The following HNRNPUL1 variants were observed in gnomAD, a reference collection of about 807,000 sequenced individuals.
The protein encoded by HNRNPUL1 is heterogeneous nuclear ribonucleoprotein U like 1.
In HNRNPUL1, 14 loss-of-function variants were observed where a neutral mutation model predicts 108.5. The ratio of observed to expected loss-of-function variants is 0.13; its 90% CI spans 0.09 to 0.20. HNRNPUL1 has a LOEUF of 0.20. Among genes scored for constraint, HNRNPUL1 ranks in the 10% least tolerant of loss-of-function variants. The pLI, the probability that HNRNPUL1 is intolerant of heterozygous loss-of-function variation, is 1.00. For missense variants in HNRNPUL1, 804 were observed against 1,168.3 expected (o/e 0.69, Z 4.55); for synonymous variants, 422 against 445.2 (o/e 0.95, Z 0.66).
Position 41,268,383 on chromosome 19 carries a change from ACAAT to A in HNRNPUL1, c.418+40_418+43del. The A allele has an allele frequency of 1.9e-6, 3 of 1,605,510 alleles. No homozygotes were observed. In the South Asian group the frequency reaches 3.3e-5, roughly 18 times the overall value. On this transcript the variant is annotated intron_variant, in intron 2 of 14. Transcript: ENST00000392006. ...ACATGGTTCATCTCTTTGGATGGAA[ACAAT>A]CTACATGGAGCCTTTACCCCCTGCT... is the stretch of plus-strand genomic sequence containing the variant.
intron 1 of HNRNPUL1, 54 bp from the exon 2 acceptor site, chr19:41,268,169 C>T: frequency 6.3e-7 from 1 of 1,595,120 alleles, no homozygotes; most frequent in Non-Finnish European, 8.5e-7. Flanking sequence ...TGCTTTGGTC[C>T]AGGGTTCTTC....
chr19:41,267,010 T>A (rs1209001043), intron 1 of HNRNPUL1, among the ~76,000 whole-genome samples: 1 of 152,224 alleles, frequency 6.6e-6, no homozygotes, highest in Non-Finnish European at 1.5e-5. Context: ...GAGTCATCTC[T>A]GAGAGGAAAG....
chr19:41,301,453 C>A, intron 10 of HNRNPUL1, 83 bp from the exon 11 acceptor site: 1 of 1,154,078 alleles, frequency 8.7e-7, no homozygotes, highest in South Asian at 1.5e-5. Flanking sequence ...TTTTCTCAGT[C>A]CCTGGCCTAC....
At position 41,294,266 on chromosome 19, in the gene HNRNPUL1, C is replaced by T; in HGVS notation, c.1267-72C>T. On this transcript the variant is annotated intron_variant, in intron 8 of 14. Transcript: ENST00000392006. This position sits in a 1 kb window ranked among gnomAD's most constrained non-coding sequence, Gnocchi z 4.3. ...CACAGCTCAGAGGTCCAGAGTCACA[C>T]TCACAGTCACCACCGAGCCAAGTGG... 2 of 1,573,862 alleles carry T rather than the reference C, an allele frequency of 1.3e-6. No individual in the cohort carries two copies. Among genetic ancestry groups the T allele is most frequent in the Non-Finnish European group, 1.7e-6 (2 of 1,151,472 alleles).
intron 10 of HNRNPUL1, among the ~76,000 whole-genome samples, chr19:41,295,341 T>C (rs914613814): frequency 6.6e-6 from 1 of 152,198 alleles, no homozygotes; most frequent in African/African-American, 2.4e-5. Flanking sequence ...AACATAAATA[T>C]TGTATGCAGC....
intron 2 of HNRNPUL1, among the ~76,000 whole-genome samples, chr19:41,270,980 G>T (rs1232293466): frequency 6.6e-6 from 1 of 152,166 alleles, no homozygotes; most frequent in East Asian, 1.9e-4. Context: ...TCCCAGGCTA[G>T]TCCTCTTGGT....
rs1041920767 is a variant in HNRNPUL1 at position 41,301,572 on chromosome 19, A to C, written c.1555A>C (p.Arg519=). Residue 519 remains arginine (R), a synonymous_variant, in exon 11 of 15, where the codon AGA becomes CGA. Coordinates refer to ENST00000392006, the MANE Select transcript of HNRNPUL1 (RefSeq NM_007040.6). ...TGGGTCAGCCCAGAGACGAAAAATG[A>C]GACCATTTGAAGGCTTCCAGCGCAA... ...VYGSAQRRKM[R]PFEGFQRKAI... The C allele has an allele frequency of 1.7e-5, 27 of 1,614,160 alleles. No homozygotes were observed. The highest frequency in any genetic ancestry group is 2.3e-5 in the Non-Finnish European group (27 of 1,180,008).
intron 4 of HNRNPUL1, 55 bp from the exon 5 acceptor site, chr19:41,276,104 A>G (rs2035539710): frequency 6.2e-7 from 1 of 1,611,120 alleles, no homozygotes; most frequent in Non-Finnish European, 8.5e-7. Context: ...ACTCCGTCTC[A>G]AGAAAACAAA....
chr19:41,290,177 T>C (rs1003449243), intron 7 of HNRNPUL1, among the ~76,000 whole-genome samples: 2 of 152,168 alleles, frequency 1.3e-5, no homozygotes, highest in African/African-American at 4.8e-5. Context: ...GTCACCTGAA[T>C]AGAGAAAGAA....
chr19:41,274,091 C>G (rs1017367046), intron 4 of HNRNPUL1, 36 bp downstream of exon 4: 1 of 1,550,138 alleles, frequency 6.5e-7, no homozygotes, highest in East Asian at 2.2e-5. Flanking sequence ...TTCTGCCTTA[C>G]AGTCAGTATG....
In HNRNPUL1 at chr19:41,303,884, G is replaced by A. The variant is rs1297275299; in HGVS notation, c.1973-88G>A. The A allele has an allele frequency of 4.7e-6, 7 of 1,497,084 alleles. No individual in the cohort carries two copies. The Admixed American group carries it at 8.1e-5, about 17-fold the overall frequency. The allele number at this position is 1,497,084 out of a possible 1,614,324, so 92.7% of individuals were successfully genotyped here. A position where few individuals can be genotyped will look rare whatever the true frequency, so the allele number is the denominator to read the frequency against. On this transcript the variant is annotated intron_variant, in intron 12 of 14. Transcript: ENST00000392006. ...TTCTTGCTCTGCGCCTGGCCATGCC[G>A]GCTCACAGTAGTCACCAAGACAACC...
Position 41,306,612 on chromosome 19 carries a change from C to T in HNRNPUL1, c.*47C>T. Reference sequence around the variant, plus strand: ...CGGAGGCCCCTGCCGGCTTCCTCCACCAGCGCCTGCCTCGGCCCCTCCTCT... The same window carrying T: ...CGGAGGCCCCTGCCGGCTTCCTCCATCAGCGCCTGCCTCGGCCCCTCCTCT... On this transcript the variant is annotated 3_prime_UTR_variant, in exon 15 of 15. Transcript: ENST00000392006. 8.1e-7 allele frequency: 1 copy of T among 1,231,926 alleles called. No individual in the cohort carries two copies. Among genetic ancestry groups the T allele is most frequent in the Non-Finnish European group, 1.1e-6 (1 of 901,474 alleles). 76.3% of individuals were successfully genotyped at this position (1,231,926 alleles called of 1,614,324 possible).
At chr19:41,301,167 CAG>C (rs976069906) in intron 10 of HNRNPUL1, among the ~76,000 whole-genome samples, 4 of 152,170 alleles carry the variant, frequency 2.6e-5, no homozygotes, top group African/African-American at 7.2e-5. Flanking sequence ...TAAGGGAACA[CAG>C]GGGTTTTTCC....
chr19:41,283,464 GT>G (rs1397034934), intron 7 of HNRNPUL1, among the ~76,000 whole-genome samples: 1 of 151,610 alleles, frequency 6.6e-6, no homozygotes, highest in African/African-American at 2.4e-5. Flanking sequence ...TTTTTTGTTT[GT>G]TTTGTTTTGA....
chr19:41,267,800 G>GA (rs2034944657), intron 1 of HNRNPUL1, among the ~76,000 whole-genome samples: 1 of 152,146 alleles, frequency 6.6e-6, no homozygotes, highest in African/African-American at 2.4e-5. Flanking sequence ...GGTTCTTGAG[G>GA]GAATTTCTGG....
At chr19:41,306,354 C>A in intron 14 of HNRNPUL1, 95 bp from the exon 15 acceptor site, 1 of 761,612 alleles carries the variant, frequency 1.3e-6, no homozygotes, top group Non-Finnish European at 2.1e-6. Flanking sequence ...GTTGTCACTG[C>A]AGCTGTCTCT....
rs2036661533 is a variant in HNRNPUL1, at chr19:41,292,724, C to T, written c.1266+213C>T. Among the ~76,000 whole-genome samples the T allele has an allele frequency of 6.7e-6, 1 of 150,160 alleles. No individual in the cohort carries two copies. Among genetic ancestry groups the T allele is most frequent in the Admixed American group, 6.6e-5 (1 of 15,056 alleles). On this transcript the variant is annotated intron_variant, in intron 8 of 14. Transcript: ENST00000392006. This position sits in a 1 kb window ranked among gnomAD's most constrained non-coding sequence, Gnocchi z 4.1. The stretch of plus-strand genomic sequence containing the variant: ...CCTAAGTTGAAGTCGGAGAGGCTAC[C>T]TAAATCTCAGAAAGATTGCATCTTC...
In HNRNPUL1 at chr19:41,276,305, A is replaced by T. The variant is rs1287954096; in HGVS notation, c.786+7A>T. The T allele has an allele frequency of 3.8e-6, 6 of 1,597,774 alleles. No homozygotes were observed. Among genetic ancestry groups the T allele is most frequent in the South Asian group, 3.3e-5 (3 of 89,930 alleles). ...TGTATGCTTCGAGATGAAGGTGAGTAGGAGCAAGAGAAGGGGAAGGGACAG... is the reference window on the plus strand; with the variant it reads ...TGTATGCTTCGAGATGAAGGTGAGTTGGAGCAAGAGAAGGGGAAGGGACAG... On this transcript the variant is annotated splice_region_variant and intron_variant, in intron 5 of 14. Transcript: ENST00000392006.
intron 12 of HNRNPUL1, among the ~76,000 whole-genome samples, chr19:41,303,627 T>C (rs2037371839): frequency 6.6e-6 from 1 of 152,134 alleles, no homozygotes; most frequent in Non-Finnish European, 1.5e-5. Flanking sequence ...GTGCTAGGAT[T>C]ACAGATGTGA....
Sources: allele counts gnomAD v4.1 joint callset (sites outside exome capture counted in the v4.1 genomes callset), GRCh38; gene constraint gnomAD v4.1.1; non-coding constraint Gnocchi (gnomAD v3.1); transcripts MANE v1.5; gene names NCBI Gene and HGNC (gene_info 2026-07-23, HGNC 2026-07-21).